DMD: variants seen among roughly 807,000 people sequenced by gnomAD.
The protein encoded by DMD is mutant dystrophin.
In DMD, 63 loss-of-function variants were observed where a neutral mutation model predicts 330.1. That is an observed-to-expected ratio of 0.19 (90% CI 0.16 to 0.24). The LOEUF (loss-of-function observed/expected upper bound fraction) is 0.24. Ranked by LOEUF, DMD falls within the 10% of genes least tolerant of loss-of-function variation. DMD has a pLI of 1.00. For synonymous variants in DMD, 1,223 were observed against 959.8 expected (o/e 1.27, Z -5.07); for missense variants, 3,344 against 2,684.1 (o/e 1.25, Z -5.43).
chrX:31,716,894 A>G (rs990112621), intron 52 of DMD, among the ~76,000 whole-genome samples: 1 of 109,836 alleles, frequency 9.1e-6, no homozygotes, highest in African/African-American at 3.3e-5. Context: ...TAAACTTTCA[A>G]TAACTGACTC....
chrX:32,712,847 C>T (rs181459862), intron 7 of DMD, among the ~76,000 whole-genome samples: 3 of 111,341 alleles, frequency 2.7e-5, no homozygotes, highest in African/African-American at 3.3e-5. Flanking sequence ...TTTATATCAC[C>T]TTAATATTAT....
chrX:31,438,453 T>G, intron 60 of DMD, among the ~76,000 whole-genome samples: 1 of 111,743 alleles, frequency 8.9e-6, no homozygotes, highest in Non-Finnish European at 1.9e-5. Context: ...CCCAGTTATC[T>G]GTGTTTTAAT....
At chrX:32,216,886 C>T in intron 44 of DMD, 30 bp downstream of exon 44, 1 of 1,186,989 alleles carries the variant, frequency 8.4e-7, no homozygotes, top group South Asian at 1.8e-5. Flanking sequence ...AAGATAAATA[C>T]AATTTCGAAA....
intron 43 of DMD, among the ~76,000 whole-genome samples, chrX:32,270,321 A>T (rs2097360812): frequency 8.9e-6 from 1 of 112,421 alleles, no homozygotes; most frequent in Admixed American, 9.4e-5. Context: ...ACCCCAACAC[A>T]TTGAATTAGA....
intron 34 of DMD, among the ~76,000 whole-genome samples, chrX:32,370,381 G>A (rs764538438): frequency 9.1e-6 from 1 of 110,391 alleles, no homozygotes. Flanking sequence ...TTTACTATTA[G>A]GCTAATGTGA....
chrX:32,497,494 T>C (rs2043616014), intron 19 of DMD, among the ~76,000 whole-genome samples: 1 of 112,307 alleles, frequency 8.9e-6, no homozygotes, highest in Non-Finnish European at 1.9e-5. Flanking sequence ...ATAATTATAG[T>C]ATCTCCTCTA....
At chrX:31,865,603 T>G (rs1390723428) in intron 48 of DMD, among the ~76,000 whole-genome samples, 1 of 96,301 alleles carries the variant, frequency 1.0e-5, no homozygotes, top group Non-Finnish European at 2.1e-5. Flanking sequence ...TTGTGAATGT[T>G]GAGTACACTC....
intron 51 of DMD, among the ~76,000 whole-genome samples, chrX:31,751,498 G>T (rs1477119659): frequency 4.5e-5 from 5 of 111,762 alleles, no homozygotes. Flanking sequence ...CTACACAATT[G>T]GCTTGCTTCT....
At chrX:31,734,293 G>C (rs959661164) in intron 51 of DMD, among the ~76,000 whole-genome samples, 1 of 109,012 alleles carries the variant, frequency 9.2e-6, no homozygotes, top group Admixed American at 9.9e-5. Flanking sequence ...AATACTTTAG[G>C]TTTTATTTCT....
intron 1 of DMD, among the ~76,000 whole-genome samples, chrX:33,081,918 G>A (rs1376066153): frequency 9.1e-6 from 1 of 110,380 alleles, no homozygotes; most frequent in African/African-American, 3.3e-5. Context: ...ATTTTGAGAG[G>A]GATCCATCTG....
At chrX:32,551,293 C>A (rs1478089695) in intron 16 of DMD, among the ~76,000 whole-genome samples, 1 of 111,490 alleles carries the variant, frequency 9.0e-6, no homozygotes, top group Admixed American at 9.6e-5. Context: ...CCACCATGAT[C>A]AAGGAGCTTC....
intron 13 of DMD, among the ~76,000 whole-genome samples, chrX:32,578,101 A>C (rs1193888351): frequency 8.9e-6 from 1 of 112,100 alleles, no homozygotes; most frequent in Non-Finnish European, 1.9e-5. Context: ...GGCTATAACA[A>C]AATTGTTAGA....
chrX:31,357,185 C>A (rs1464002748), intron 60 of DMD, among the ~76,000 whole-genome samples: 2 of 111,165 alleles, frequency 1.8e-5, no homozygotes, highest in East Asian at 5.6e-4. Flanking sequence ...TGGAAGATAT[C>A]GTTCTCACAG....
At chrX:31,651,458 T>C (rs763892700) in intron 54 of DMD, among the ~76,000 whole-genome samples, 5 of 111,334 alleles carry the variant, frequency 4.5e-5, no homozygotes, top group Admixed American at 9.5e-5. Context: ...GACAGAGAAC[T>C]TGCACTGATC....
rs192006029 is a variant in DMD at position 31,343,897 on chromosome X, T to A, written c.9163+4659A>T. Among the ~76,000 whole-genome samples the A allele has an allele frequency of 3.4e-3, 375 of 110,657 alleles. 1 individual carries two copies. Among genetic ancestry groups the A allele is most frequent in the African/African-American group, 0.012 (356 of 30,494 alleles). Reference sequence around the variant, plus strand: ...ACCTTAGAGGAATATTTAAAACATATTTTTATTCATTGGTGGGGGGAAGCT... The same window carrying A: ...ACCTTAGAGGAATATTTAAAACATAATTTTATTCATTGGTGGGGGGAAGCT... On this transcript the variant is annotated intron_variant, in intron 61 of 78. Coordinates refer to ENST00000357033, the MANE Select transcript of DMD (RefSeq NM_004006.3).
chrX:31,728,668 G>A (rs751728194), intron 52 of DMD, among the ~76,000 whole-genome samples: 8 of 111,523 alleles, frequency 7.2e-5, no homozygotes, highest in Non-Finnish European at 1.3e-4. Flanking sequence ...CATGGTTTCC[G>A]AGTTTGAAAA....
At chrX:31,990,081 G>A (rs1295159773) in intron 44 of DMD, among the ~76,000 whole-genome samples, 3 of 112,392 alleles carry the variant, frequency 2.7e-5, no homozygotes, top group Non-Finnish European at 5.6e-5. Flanking sequence ...TGAAAATCAT[G>A]TTGACATTGT....
At chrX:31,325,139 C>T (rs1008773508) in intron 61 of DMD, among the ~76,000 whole-genome samples, 3 of 111,471 alleles carry the variant, frequency 2.7e-5, no homozygotes, top group Admixed American at 1.9e-4. Context: ...TCTTTCTGTC[C>T]TTCTTTCTCT....
chrX:32,232,188 G>T (rs2097171362), intron 43 of DMD, among the ~76,000 whole-genome samples: 1 of 111,880 alleles, frequency 8.9e-6, no homozygotes, highest in Admixed American at 9.5e-5. Flanking sequence ...ATTTTCAGGA[G>T]ACATGACCTA....
Sources: gnomAD v4.1 joint callset for allele counts (sites outside exome capture counted in the v4.1 genomes callset) on GRCh38, gnomAD v4.1.1 for gene constraint, MANE v1.5 for transcripts, NCBI Gene and HGNC (gene_info 2026-07-23, HGNC 2026-07-21) for gene names.